Variants in C15orf39 observed in about 807,000 individuals in gnomAD.
The protein encoded by C15orf39 is uncharacterized protein C15orf39.
Under a neutral mutation model 53.9 loss-of-function variants are expected in C15orf39, and 24 were observed. The ratio of observed to expected loss-of-function variants is 0.45; its 90% CI spans 0.32 to 0.63. The LOEUF (loss-of-function observed/expected upper bound fraction) is 0.63. C15orf39 is among the 20% of genes least tolerant of loss of function. The probability of loss-of-function intolerance (pLI) is 0.04; values close to 1 mark genes in which losing one functional copy is unlikely to be tolerated. For synonymous variants in C15orf39, 569 were observed against 576.5 expected, an observed-to-expected ratio of 0.99 and a Z score of 0.19; for missense variants, 1,271 against 1,347.9, an observed-to-expected ratio of 0.94 and a Z score of 0.89.
In C15orf39 at chr15:75,211,281, A is replaced by G; in HGVS notation, c.*165A>G. ...TTCAGGGTGGGCTGAAGAGCCCCTG[A>G]GCTTTTAACGTGAGGGTCTTTATTG... On this transcript the variant is annotated 3_prime_UTR_variant, in exon 3 of 3. Coordinates refer to ENST00000394987, the MANE Select transcript of C15orf39 (RefSeq NM_015492.5). 2 of 889,594 alleles carry G rather than the reference A, an allele frequency of 2.2e-6. No homozygotes were observed. The highest frequency in any genetic ancestry group is 5.4e-5 in the East Asian group (2 of 37,022). The allele number at this position is 889,594 out of a possible 1,614,324, so 55.1% of individuals were successfully genotyped here. A position where few individuals can be genotyped will look rare whatever the true frequency, so the allele number is the denominator to read the frequency against.
rs1228557356 is a variant in C15orf39, at chr15:75,207,970, C to T, written c.1922C>T (p.Thr641Ile). 3 of 1,613,980 alleles carry T rather than the reference C, an allele frequency of 1.9e-6. No individual in the cohort carries two copies. The East Asian group carries it at 6.7e-5, about 36-fold the overall frequency. ...GTGACCACAGATGCCATGCCAAGGA[C>T]CAACTTCCACAGCTCTGTGGCCTTC... ...VPVTTDAMPR[T>I]NFHSSVAFMF... Residue 641 changes from threonine to isoleucine, a missense_variant, in exon 2 of 3, where the codon ACC (threonine) becomes ATC (isoleucine). By Grantham distance (89) the Thr-to-Ile change is moderately conservative. Coordinates refer to ENST00000394987, the MANE Select transcript of C15orf39 (RefSeq NM_015492.5).
chr15:75,201,051 C>T (rs1046549865), upstream of C15orf39, among the ~76,000 whole-genome samples: 33 of 152,192 alleles, frequency 2.2e-4, no homozygotes, highest in Admixed American at 1.6e-3. The surrounding 1 kb of genome is among the most constrained non-coding windows in gnomAD (Gnocchi z 4.7). Context: ...CCCTTCCCCA[C>T]TGCACACACC....
intron 2 of C15orf39, 121 bp from the exon 3 acceptor site, chr15:75,210,628 A>C: frequency 2.2e-6 from 3 of 1,386,746 alleles, no homozygotes; most frequent in Non-Finnish European, 2.9e-6. Context: ...TGTGTGGGGA[A>C]GAGTTGTGAT....
chr15:75,200,195 T>C (rs1718945451), upstream of C15orf39, among the ~76,000 whole-genome samples: 1 of 152,226 alleles, frequency 6.6e-6, no homozygotes, highest in South Asian at 2.1e-4. Flanking sequence ...CCTCCTTTCT[T>C]TGGCAGTCCA....
At position 75,206,492 on chromosome 15, in the gene C15orf39, A is replaced by G; in HGVS notation, c.444A>G (p.Glu148=). ...LCYGLSTCLG[E]GAVKRPLDVD... ...ATGGGCTCTCAACTTGTCTGGGGGA[A>G]GGAGCAGTGAAGAGGCCACTGGATG... The change falls in exon 2 of 3, where the codon GAA becomes GAG. Residue 148 remains glutamate, a synonymous_variant. Transcript: ENST00000394987. The G allele has an allele frequency of 6.2e-7, 1 of 1,614,046 alleles. No individual in the cohort carries two copies. Among genetic ancestry groups the G allele is most frequent in the Middle Eastern group, 1.7e-4 (1 of 6,060 alleles).
Position 75,207,189 on chromosome 15 carries a change from G to T in C15orf39, c.1141G>T (p.Ala381Ser). The T allele has an allele frequency of 6.2e-7, 1 of 1,613,734 alleles. No individual in the cohort carries two copies. Among genetic ancestry groups the T allele is most frequent in the South Asian group, 1.1e-5 (1 of 91,060 alleles). Residue 381 changes from alanine to serine, a missense_variant, in exon 2 of 3, where the codon GCC (alanine) becomes TCC (serine). Ala to Ser is a moderately conservative substitution (Grantham distance 99, BLOSUM62 1). This residue lies in a region of C15orf39 where 994 missense variants were observed against 993.7 expected (regional missense o/e 1.00). Coordinates refer to ENST00000394987, the MANE Select transcript of C15orf39 (RefSeq NM_015492.5). Reference sequence around the variant, plus strand: ...CCCCCAGACACTGAGTTTTCCTTATGCCCGGGATGACCTCTCTCTCTATGG... The same window carrying T: ...CCCCCAGACACTGAGTTTTCCTTATTCCCGGGATGACCTCTCTCTCTATGG... ...FAPQTLSFPY[A>S]RDDLSLYGAS... is the part of the protein sequence containing the mutation.
rs758160471 is a variant in C15orf39 at position 75,210,818 on chromosome 15, G to A, written c.2846G>A (p.Ser949Asn). 30 of 1,613,792 alleles carry A rather than the reference G, an allele frequency of 1.9e-5. No individual in the cohort carries two copies. The highest frequency in any genetic ancestry group is 2.3e-5 in the Non-Finnish European group (27 of 1,180,006). The change falls in exon 3 of 3, where the codon AGC (serine) becomes AAC (asparagine). Residue 949 changes from serine (S) to asparagine (N), a missense_variant. Around this residue, in one of 2 missense-constraint regions of C15orf39, gnomAD observed 277 missense variants for 354.1 expected, o/e 0.78. Coordinates refer to ENST00000394987, the MANE Select transcript of C15orf39 (RefSeq NM_015492.5). ...EPTVARGEPE[S>N]LALAQKSPAP... ...ACTGTGGCCAGAGGTGAGCCAGAGA[G>A]CCTAGCCCTGGCTCAGAAGTCACCG...
chr15:75,204,761 C>G (rs556781266), intron 1 of C15orf39, among the ~76,000 whole-genome samples: 114 of 152,324 alleles, frequency 7.5e-4, no homozygotes, highest in African/African-American at 2.6e-3. Context: ...CCGCACACCT[C>G]GGCTTCCCAA....
chr15:75,210,148 C>G (rs760850109), intron 2 of C15orf39, among the ~76,000 whole-genome samples: 1 of 152,164 alleles, frequency 6.6e-6, no homozygotes, highest in African/African-American at 2.4e-5. Context: ...TTGCAACAAT[C>G]GGGGGGCCTG....
rs752323231 is a variant in C15orf39, at chr15:75,207,804, TC to T, written c.1760del (p.Pro587LeufsTer32). ...TGTGAGGAAGCCCACAGCAGAGGCC[TC>T]CCCTGTCAAGGCTTCCCGTTCTGTG... ...LSVRKPTAEA[S>X]PVKASRSVEH... On this transcript the variant is annotated frameshift_variant, in exon 2 of 3. Coordinates refer to ENST00000394987, the MANE Select transcript of C15orf39 (RefSeq NM_015492.5). LOFTEE classifies it high-confidence loss of function. The T allele has an allele frequency of 6.2e-7, 1 of 1,612,066 alleles. No individual in the cohort carries two copies. The highest frequency in any genetic ancestry group is 8.5e-7 in the Non-Finnish European group (1 of 1,179,424).
At position 75,210,834 on chromosome 15, in the gene C15orf39, G is replaced by C. The variant is rs745907129; in HGVS notation, c.2862G>C (p.Gln954His). ...RGEPESLALA[Q>H]KSPAPKVRKP... ...AGCCAGAGAGCCTAGCCCTGGCTCA[G>C]AAGTCACCGGCCCCCAAGGTCAGGA... Residue 954 changes from glutamine to histidine, a missense_variant, in exon 3 of 3, where the codon CAG (glutamine) becomes CAC (histidine). Gln to His is a conservative substitution (Grantham distance 24). This residue lies in a region of C15orf39 where 277 missense variants were observed against 354.1 expected (regional missense o/e 0.78). Coordinates refer to ENST00000394987, the MANE Select transcript of C15orf39 (RefSeq NM_015492.5). 1.9e-6 allele frequency: 3 copies of C among 1,613,886 alleles called. No homozygotes were observed. The Admixed American group carries it at 5.0e-5, about 27-fold the overall frequency.
At chr15:75,209,541 T>G (rs2070468643) in intron 2 of C15orf39, 1 of 152,296 alleles carries the variant, frequency 6.6e-6, no homozygotes, top group Non-Finnish European at 1.5e-5. Context: ...TCCAGCTTGT[T>G]TTCTTTTAAT....
In C15orf39 at chr15:75,208,016, C is replaced by A; in HGVS notation, c.1968C>A (p.Ile656=). Residue 656 remains isoleucine (I), a synonymous_variant, in exon 2 of 3, where the codon ATC becomes ATA. Coordinates refer to ENST00000394987, the MANE Select transcript of C15orf39 (RefSeq NM_015492.5). The part of the protein sequence containing the change: ...SVAFMFRKFK[I]LRPAPLPAAV... ...CCTTCATGTTCCGAAAGTTCAAGAT[C>A]CTCCGTCCGGCACCTTTGCCTGCAG... 1 of 1,614,070 alleles carries A rather than the reference C, an allele frequency of 6.2e-7. No individual in the cohort carries two copies. Among genetic ancestry groups the A allele is most frequent in the South Asian group, 1.1e-5 (1 of 91,086 alleles).
intron 2 of C15orf39, 52 bp from the exon 3 acceptor site, chr15:75,210,697 G>T: frequency 6.5e-7 from 1 of 1,539,488 alleles, no homozygotes; most frequent in Non-Finnish European, 8.7e-7. Flanking sequence ...AAGCCAGGAG[G>T]TGGGACCTGA....
rs1567138035 is a variant in C15orf39 at position 75,206,314 on chromosome 15, CCAA to C, written c.268_270del (p.Asn90del). The C allele has an allele frequency of 6.2e-7, 1 of 1,614,094 alleles. No homozygotes were observed. Among genetic ancestry groups the C allele is most frequent in the Admixed American group, 1.7e-5 (1 of 60,008 alleles). On this transcript the variant is annotated inframe_deletion, in exon 2 of 3. Coordinates refer to ENST00000394987, the MANE Select transcript of C15orf39 (RefSeq NM_015492.5). ...CCACTTCAGGCAGACAACCTGCTGA[CCAA>C]CTGCCTGTTCTACCGCTCGCCAGCA...
Position 75,208,420 on chromosome 15 carries a change from G to T in C15orf39, c.2372G>T (p.Arg791Leu). Reference protein sequence around the residue: ...SVAHSPPEKLREWLETAGPWG... With the variant: ...SVAHSPPEKLLEWLETAGPWG... ...GCCCACTCTCCTCCAGAGAAGCTTC[G>T]CGAGTGGCTAGAGACGGCTGGGCCC... is the stretch of plus-strand genomic sequence containing the variant. Residue 791 changes from arginine to leucine, a missense_variant, in exon 2 of 3, where the codon CGC becomes CTC. Coordinates refer to ENST00000394987, the MANE Select transcript of C15orf39 (RefSeq NM_015492.5). 1.2e-6 allele frequency: 2 copies of T among 1,606,982 alleles called. No individual in the cohort carries two copies. Among genetic ancestry groups the T allele is most frequent in the Non-Finnish European group, 1.7e-6 (2 of 1,178,626 alleles).
Position 75,207,501 on chromosome 15 carries a change from T to G in C15orf39, c.1453T>G (p.Ser485Ala). ...GCCCCCCTGTGCCCGGGAGTGCCAGTCTCTTCCACAGAAGGAGGGCGCAAG... is the reference window on the plus strand; with the variant it reads ...GCCCCCCTGTGCCCGGGAGTGCCAGGCTCTTCCACAGAAGGAGGGCGCAAG... ...ALPPCARECQ[S>A]LPQKEGARPP... The change falls in exon 2 of 3, where the codon TCT becomes GCT. Residue 485 changes from serine (S) to alanine (A), a missense_variant. By Grantham distance (99) the Ser-to-Ala change is moderately conservative. Transcript: ENST00000394987. 6.2e-7 allele frequency: 1 copy of G among 1,613,032 alleles called. No homozygotes were observed. The highest frequency in any genetic ancestry group is 8.5e-7 in the Non-Finnish European group (1 of 1,179,840).
chr15:75,206,269 C>T lies in C15orf39; in HGVS notation c.221C>T (p.Ser74Phe). The part of the protein sequence containing the change: ...ASWTPYPPLY[S>F]TGMAGPPLQA... ...TGGACCCCATACCCACCCTTGTACT[C>T]TACCGGTATGGCAGGACCCCCACTT... The change falls in exon 2 of 3, where the codon TCT (serine) becomes TTT (phenylalanine). Residue 74 changes from serine to phenylalanine, a missense_variant. Transcript: ENST00000394987. 1.2e-6 allele frequency: 2 copies of T among 1,614,112 alleles called. No homozygotes were observed. Among genetic ancestry groups the T allele is most frequent in the Non-Finnish European group, 1.7e-6 (2 of 1,179,984 alleles).
rs373391409 is a variant in C15orf39 at position 75,206,267 on chromosome 15, C to T, written c.219C>T (p.Tyr73=). Residue 73 remains tyrosine, a synonymous_variant, in exon 2 of 3, where the codon TAC becomes TAT. Transcript: ENST00000394987. ...LASWTPYPPL[Y]STGMAGPPLQ... ...CCTGGACCCCATACCCACCCTTGTA[C>T]TCTACCGGTATGGCAGGACCCCCAC... 118 of 1,614,010 alleles carry T rather than the reference C, an allele frequency of 7.3e-5. No individual in the cohort carries two copies. Among genetic ancestry groups the T allele is most frequent in the Non-Finnish European group, 9.5e-5 (112 of 1,179,998 alleles).
Sources: allele counts gnomAD v4.1 joint callset (sites outside exome capture counted in the v4.1 genomes callset), GRCh38; gene constraint gnomAD v4.1.1; regional missense constraint gnomAD v4.1.1; non-coding constraint Gnocchi (gnomAD v3.1); transcripts MANE v1.5; gene names NCBI Gene and HGNC (gene_info 2026-07-23, HGNC 2026-07-21).